The following EFCC1 variants were observed in gnomAD, a reference collection of about 807,000 sequenced individuals.
The protein encoded by EFCC1 is EF-hand and coiled-coil domain-containing protein 1.
A neutral mutation model predicts 52.1 loss-of-function variants in EFCC1; 50 were observed. That is an observed-to-expected ratio of 0.96 (90% CI 0.76 to 1.21). The LOEUF (loss-of-function observed/expected upper bound fraction) is 1.21, where lower values mean the gene tolerates loss of function less well. Among genes scored for constraint, EFCC1 ranks in the 50% most tolerant of loss-of-function variants. The pLI is 0.00. For missense variants in EFCC1, 837 were observed against 867.3 expected, an observed-to-expected ratio of 0.97 and a Z score of 0.44; for synonymous variants, 399 against 396.5, an observed-to-expected ratio of 1.01 and a Z score of -0.08.
chr3:129,032,810 C>T lies in EFCC1; in HGVS notation c.1139-9C>T. The T allele has an allele frequency of 1.3e-6, 2 of 1,550,520 alleles. No individual in the cohort carries two copies. The highest frequency in any genetic ancestry group is 1.7e-6 in the Non-Finnish European group (2 of 1,146,474). The stretch of plus-strand genomic sequence containing the variant: ...TTGTCCTGCATCCCCACATCCTGTG[C>T]TTCCCCAGCAGTGGACGAGCAGCTG... On this transcript the variant is annotated splice_polypyrimidine_tract_variant and intron_variant, in intron 3 of 7. Coordinates refer to ENST00000683648, the MANE Select transcript of EFCC1 (RefSeq NM_001377500.1).
At chr3:129,011,253 A>C (rs1282632904) in intron 2 of EFCC1, among the ~76,000 whole-genome samples, 5 of 152,194 alleles carry the variant, frequency 3.3e-5, no homozygotes, top group Admixed American at 3.3e-4. Flanking sequence ...GGCTTAATAA[A>C]TATTGGAACG....
chr3:129,022,891 C>G (rs1945924325), intron 2 of EFCC1, among the ~76,000 whole-genome samples: 1 of 152,198 alleles, frequency 6.6e-6, no homozygotes, highest in Non-Finnish European at 1.5e-5. Context: ...GAGGTTGGGC[C>G]TTTGCCATAC....
At chr3:129,017,844 C>A (rs1210227928) in intron 2 of EFCC1, among the ~76,000 whole-genome samples, 1 of 152,052 alleles carries the variant, frequency 6.6e-6, no homozygotes, top group Non-Finnish European at 1.5e-5. Context: ...AACTTGGGGG[C>A]CCATTCCTAG....
At chr3:129,017,559 TC>T (rs1268428317) in intron 2 of EFCC1, among the ~76,000 whole-genome samples, 1 of 152,210 alleles carries the variant, frequency 6.6e-6, no homozygotes, top group Admixed American at 6.5e-5. Flanking sequence ...AGGCCCTATT[TC>T]CTTGCCGGCT....
intron 2 of EFCC1, among the ~76,000 whole-genome samples, chr3:129,013,001 AT>A (rs1216946712): frequency 6.6e-6 from 1 of 152,190 alleles, no homozygotes; most frequent in Admixed American, 6.5e-5. Context: ...AGGATATGCT[AT>A]TTACCCACAA....
intron 5 of EFCC1, 69 bp from the exon 6 acceptor site, chr3:129,036,908 A>C: frequency 6.2e-7 from 1 of 1,608,466 alleles, no homozygotes. Flanking sequence ...GAGATGGAGT[A>C]GTTGATCCTG....
chr3:129,032,007 G>T (rs996456908), intron 3 of EFCC1, among the ~76,000 whole-genome samples: 1 of 152,130 alleles, frequency 6.6e-6, no homozygotes, highest in Admixed American at 6.5e-5. Context: ...CCCTGGGGAC[G>T]GGGATGGGGA....
chr3:129,012,611 A>G (rs1945378777), intron 2 of EFCC1, among the ~76,000 whole-genome samples: 1 of 152,174 alleles, frequency 6.6e-6, no homozygotes, highest in African/African-American at 2.4e-5. Flanking sequence ...CCAGGCCGAG[A>G]CCAGGACCAG....
chr3:129,032,499 C>T (rs993557813), intron 3 of EFCC1, among the ~76,000 whole-genome samples: 5 of 151,062 alleles, frequency 3.3e-5, no homozygotes, highest in Non-Finnish European at 7.4e-5. Flanking sequence ...GGTGACAGAG[C>T]GAGACCCTGT....
intron 2 of EFCC1, among the ~76,000 whole-genome samples, chr3:129,025,326 G>A (rs1946058313): frequency 6.6e-6 from 1 of 152,196 alleles, no homozygotes; most frequent in African/African-American, 2.4e-5. Context: ...AAGAGTGCCA[G>A]GGAGGCAGGA....
chr3:129,033,632 A>T (rs765510797), intron 4 of EFCC1, among the ~76,000 whole-genome samples: 1 of 152,202 alleles, frequency 6.6e-6, no homozygotes, highest in South Asian at 2.1e-4. Flanking sequence ...CTTCATGTCA[A>T]CAAGCACTTA....
intron 1 of EFCC1, 25 bp downstream of exon 1, chr3:129,002,349 G>T (rs900249446): frequency 6.6e-7 from 1 of 1,508,312 alleles, no homozygotes. Context: ...CGAAGGGAGG[G>T]TGGTAACGCC....
At chr3:129,026,489 C>A (rs2107928170) in intron 2 of EFCC1, among the ~76,000 whole-genome samples, 1 of 152,318 alleles carries the variant, frequency 6.6e-6, no homozygotes, top group Admixed American at 6.5e-5. Context: ...CCAAGAAGCT[C>A]ACTGCCTTCC....
At chr3:129,019,586 T>C (rs915223320) in intron 2 of EFCC1, among the ~76,000 whole-genome samples, 3 of 152,162 alleles carry the variant, frequency 2.0e-5, no homozygotes, top group African/African-American at 7.2e-5. Context: ...GACTGTAAAC[T>C]ATTTAACTTT....
At chr3:129,024,297 C>T (rs1213630998) in intron 2 of EFCC1, among the ~76,000 whole-genome samples, 1 of 152,050 alleles carries the variant, frequency 6.6e-6, no homozygotes, top group Non-Finnish European at 1.5e-5. Context: ...TTTGGAAAGC[C>T]GAGTCAGGCA....
intron 2 of EFCC1, among the ~76,000 whole-genome samples, chr3:129,023,351 C>T (rs1372955940): frequency 6.9e-6 from 1 of 145,962 alleles, no homozygotes; most frequent in African/African-American, 2.5e-5. Context: ...GAGTCTTGCT[C>T]AGTCACCCAG....
At chr3:129,008,814 G>A (rs948986384) in intron 2 of EFCC1, among the ~76,000 whole-genome samples, 2 of 152,150 alleles carry the variant, frequency 1.3e-5, no homozygotes, top group Non-Finnish European at 2.9e-5. Flanking sequence ...GCCTGCTGAG[G>A]TGCACAGTCC....
intron 7 of EFCC1, 45 bp from the exon 8 acceptor site, chr3:129,039,667 G>C (rs1946399561): frequency 6.5e-7 from 1 of 1,542,796 alleles, no homozygotes; most frequent in African/African-American, 1.4e-5. Context: ...GTGGGTGAAG[G>C]TGAGCAGACT....
chr3:129,038,055 C>T (rs1243715071), intron 6 of EFCC1, among the ~76,000 whole-genome samples: 2 of 132,424 alleles, frequency 1.5e-5, no homozygotes, highest in African/African-American at 6.5e-5. Flanking sequence ...CAGAGTAAGA[C>T]CTTATCTCAA....
Sources: allele counts gnomAD v4.1 joint callset (sites outside exome capture counted in the v4.1 genomes callset), GRCh38; gene constraint gnomAD v4.1.1; transcripts MANE v1.5; gene names NCBI Gene and HGNC (gene_info 2026-07-23, HGNC 2026-07-21).